Variants in LRTM3 observed in about 807,000 individuals in gnomAD.
LRTM3 encodes the protein leucine rich repeat transmembrane protein 3.
At chr13:102,750,065 A>G in the LRTM3 span, 1 of 1,550,566 alleles carries the variant, frequency 6.4e-7, no homozygotes, top group East Asian at 2.4e-5. Flanking sequence ...ATCAGAAGAA[A>G]ATCCTGAATT....
chr13:102,733,866 TAAC>T, the LRTM3 span: 1 of 1,551,252 alleles, frequency 6.4e-7, no homozygotes, highest in Non-Finnish European at 8.7e-7. Context: ...TCTGCTTGCT[TAAC>T]AACGTTTTTA....
chr13:102,745,710 T>C, the LRTM3 span: 1 of 1,551,190 alleles, frequency 6.4e-7, no homozygotes, highest in Non-Finnish European at 8.7e-7. Flanking sequence ...GCCTGTTCCT[T>C]TTGATGGCTA....
chr13:102,733,050 G>T, the LRTM3 span: 1 of 1,551,428 alleles, frequency 6.4e-7, no homozygotes, highest in Non-Finnish European at 8.7e-7. Flanking sequence ...ATTCCTGGTA[G>T]CATCTGTAGG....
the LRTM3 span, chr13:102,759,007 C>T: frequency 1.2e-6 from 1 of 823,598 alleles, no homozygotes; most frequent in Non-Finnish European, 1.9e-6. Context: ...AATATAAAAC[C>T]TCGGTATGCC....
chr13:102,740,658 A>G, the LRTM3 span: 3 of 1,548,298 alleles, frequency 1.9e-6, no homozygotes, highest in Non-Finnish European at 2.6e-6. Context: ...ATAGCATCTA[A>G]TTTCTCTTGT....
chr13:102,742,238 C>T, the LRTM3 span: 1 of 1,550,392 alleles, frequency 6.4e-7, no homozygotes, highest in Admixed American at 2.0e-5. Flanking sequence ...GCTTGCAGTA[C>T]CATACTCAAG....
chr13:102,744,286 A>G, the LRTM3 span: 2 of 1,550,612 alleles, frequency 1.3e-6, no homozygotes. Context: ...TCCGGCTTTC[A>G]TATTCAGATG....
At chr13:102,740,097 C>T in the LRTM3 span, 42 of 1,548,940 alleles carry the variant, frequency 2.7e-5, no homozygotes, top group Non-Finnish European at 3.6e-5. Flanking sequence ...GGCAGACATA[C>T]TTCTTTTTGT....
the LRTM3 span, among the ~76,000 whole-genome samples, chr13:102,756,310 C>CA: frequency 1.4e-5 from 1 of 73,426 alleles, no homozygotes; most frequent in African/African-American, 4.0e-5. Flanking sequence ...ATCCTTAGTT[C>CA]GAAAAAAAAA....
chr13:102,731,085 G>A, the LRTM3 span: 1 of 1,551,256 alleles, frequency 6.4e-7, no homozygotes, highest in Non-Finnish European at 8.7e-7. Flanking sequence ...TGGTTTTGGA[G>A]GGTATGAGGC....
At chr13:102,747,388 A>G in the LRTM3 span, 11 of 1,550,106 alleles carry the variant, frequency 7.1e-6, no homozygotes, top group Admixed American at 2.0e-5. Context: ...ATATATTAAT[A>G]TAAGGCATCA....
the LRTM3 span, among the ~76,000 whole-genome samples, chr13:102,756,687 A>C: frequency 2.9e-4 from 22 of 75,638 alleles, no homozygotes; most frequent in East Asian, 2.2e-3. Flanking sequence ...AAAAAAAAAA[A>C]AAAAAAAACA....
chr13:102,756,721 A>G, the LRTM3 span, among the ~76,000 whole-genome samples: 1 of 149,088 alleles, frequency 6.7e-6, no homozygotes, highest in Non-Finnish European at 1.5e-5. Flanking sequence ...AGGCAGAACT[A>G]TGATATAAAG....
At chr13:102,730,507 TTTG>T in the LRTM3 span, 2 of 1,551,518 alleles carry the variant, frequency 1.3e-6, no homozygotes, top group East Asian at 4.9e-5. Flanking sequence ...CATGATATTG[TTTG>T]TTTTTTTCTG....
At chr13:102,737,566 C>T in the LRTM3 span, 2 of 1,550,698 alleles carry the variant, frequency 1.3e-6, no homozygotes, top group South Asian at 1.2e-5. Context: ...CATCCCTTTT[C>T]CCTGGCTCTT....
the LRTM3 span, chr13:102,733,657 T>C: frequency 4.5e-6 from 7 of 1,551,262 alleles, no homozygotes; most frequent in Non-Finnish European, 6.1e-6. Flanking sequence ...CCTTTTTCCC[T>C]GTAAAGAGCC....
At chr13:102,736,284 C>T in the LRTM3 span, 2 of 1,550,882 alleles carry the variant, frequency 1.3e-6, no homozygotes. Context: ...TCTTTCATGC[C>T]CCACTGTGGC....
chr13:102,747,890 T>TA, the LRTM3 span: 2 of 1,551,320 alleles, frequency 1.3e-6, no homozygotes, highest in Non-Finnish European at 1.7e-6. Context: ...GAATTTGACA[T>TA]ACTTGGGCTT....
chr13:102,743,480 T>G, the LRTM3 span: 1 of 1,549,144 alleles, frequency 6.5e-7, no homozygotes, highest in East Asian at 2.4e-5. Flanking sequence ...ACTGATTTTA[T>G]GTATCTGTGA....
Sources: allele counts gnomAD v4.1 joint callset (sites outside exome capture counted in the v4.1 genomes callset), GRCh38; gene constraint gnomAD v4.1.1; transcripts MANE v1.5; gene names NCBI Gene and HGNC (gene_info 2026-07-23, HGNC 2026-07-21).